The following CCDC178 variants were observed in gnomAD, a reference collection of about 807,000 sequenced individuals.
CCDC178 encodes the protein coiled-coil domain containing 178.
Under a neutral mutation model 117.4 loss-of-function variants are expected in CCDC178, and 126 were observed. The observed-to-expected ratio is 1.07, with a 90% CI of 0.93 to 1.24. The LOEUF is 1.24. Ranked by LOEUF, CCDC178 falls within the 50% of genes most tolerant of loss-of-function variation. CCDC178 has a pLI of 0.00. For missense variants in CCDC178, 1,030 were observed against 986.9 expected (o/e 1.04, Z -0.59); for synonymous variants, 283 against 313.4 (o/e 0.90, Z 1.02).
chr18:33,128,802 A>T (rs571528680), intron 20 of CCDC178, among the ~76,000 whole-genome samples: 1 of 152,224 alleles, frequency 6.6e-6, no homozygotes, highest in East Asian at 1.9e-4. Context: ...TCACTGTCCA[A>T]ATACAATTTT....
At position 33,389,557 on chromosome 18, in the gene CCDC178, T is replaced by C; in HGVS notation, c.191A>G (p.Lys64Arg). ...KENSEGFHES[K>R]MTNTEGVNKG... ...GTCCTCACCTTCAGTATTTGTCATT[T>C]TACTTTCATGAAAACCTTCACTGTT... The change falls in exon 5 of 23, where the codon AAA (lysine) becomes AGA (arginine). Residue 64 changes from lysine (K) to arginine (R), a missense_variant. Physicochemically the swap from Lys to Arg is conservative, Grantham distance 26. Coordinates refer to ENST00000383096, the MANE Select transcript of CCDC178 (RefSeq NM_001105528.4). 1 of 1,517,778 alleles carries C rather than the reference T, an allele frequency of 6.6e-7. No individual in the cohort carries two copies. Among genetic ancestry groups the C allele is most frequent in the Non-Finnish European group, 8.8e-7 (1 of 1,131,596 alleles). 94.0% of individuals were successfully genotyped at this position (1,517,778 alleles called of 1,614,324 possible). A position where few individuals can be genotyped will look rare whatever the true frequency, so the allele number is the denominator to read the frequency against.
intron 20 of CCDC178, among the ~76,000 whole-genome samples, chr18:33,183,685 G>A (rs59614523): frequency 2.6e-5 from 4 of 151,938 alleles, no homozygotes; most frequent in African/African-American, 4.8e-5. Flanking sequence ...TGACACTGGC[G>A]CTATTGGGTT....
At chr18:33,133,568 C>A (rs1425678464) in intron 20 of CCDC178, among the ~76,000 whole-genome samples, 3 of 151,850 alleles carry the variant, frequency 2.0e-5, no homozygotes, top group South Asian at 2.1e-4. Context: ...TGTGAGGTAT[C>A]TATTGTTTTA....
chr18:33,215,469 T>A, intron 19 of CCDC178, 81 bp downstream of exon 19: 1 of 809,218 alleles, frequency 1.2e-6, no homozygotes, highest in Non-Finnish European at 1.8e-6. Flanking sequence ...ATTTTAAGAA[T>A]GCATTTTAAA....
At chr18:33,435,120 T>C (rs865968367) in intron 2 of CCDC178, among the ~76,000 whole-genome samples, 1 of 152,172 alleles carries the variant, frequency 6.6e-6, no homozygotes, top group Non-Finnish European at 1.5e-5. Context: ...GTCATAATTA[T>C]TGGAGCAGAA....
At chr18:33,210,634 T>C (rs1347539593) in intron 20 of CCDC178, among the ~76,000 whole-genome samples, 1 of 152,022 alleles carries the variant, frequency 6.6e-6, no homozygotes, top group African/African-American at 2.4e-5. Context: ...TGGGGAAGAA[T>C]GCTTAAATCG....
At chr18:33,140,748 G>A (rs2058193326) in intron 20 of CCDC178, among the ~76,000 whole-genome samples, 1 of 152,200 alleles carries the variant, frequency 6.6e-6, no homozygotes, top group African/African-American at 2.4e-5. Context: ...ACCAAAATGA[G>A]TTAAGAATTT....
intron 20 of CCDC178, among the ~76,000 whole-genome samples, chr18:33,096,324 A>G (rs2057542972): frequency 9.1e-6 from 1 of 109,592 alleles, no homozygotes. Flanking sequence ...TATATTTTAT[A>G]TAAAAATATA....
chr18:33,424,654 C>T (rs1380008467), intron 2 of CCDC178, among the ~76,000 whole-genome samples: 4 of 152,124 alleles, frequency 2.6e-5, no homozygotes, highest in East Asian at 1.9e-4. Flanking sequence ...AGGGGAGCCA[C>T]GGCACGGCCC....
intron 5 of CCDC178, among the ~76,000 whole-genome samples, chr18:33,388,015 G>A (rs1461629454): frequency 6.6e-6 from 1 of 151,612 alleles, no homozygotes; most frequent in African/African-American, 2.4e-5. Flanking sequence ...AAATTTACAA[G>A]AAATAAACAA....
At chr18:33,312,111 T>C (rs562955007) in intron 11 of CCDC178, among the ~76,000 whole-genome samples, 1 of 152,158 alleles carries the variant, frequency 6.6e-6, no homozygotes, top group Admixed American at 6.5e-5. Context: ...TTTAAGGCAA[T>C]TAATGAGGTA....
intron 20 of CCDC178, among the ~76,000 whole-genome samples, chr18:33,150,864 A>G (rs141990421): frequency 2.6e-4 from 40 of 152,328 alleles, no homozygotes; most frequent in African/African-American, 8.2e-4. Flanking sequence ...TTGTAAAGAT[A>G]TGGAACCAAG....
chr18:33,330,967 A>G (rs1347298250), intron 10 of CCDC178, among the ~76,000 whole-genome samples: 1 of 151,388 alleles, frequency 6.6e-6, no homozygotes, highest in Non-Finnish European at 1.5e-5. Flanking sequence ...TCATGGCCCC[A>G]TAAGTTGACA....
intron 14 of CCDC178, among the ~76,000 whole-genome samples, chr18:33,261,305 G>C (rs1022392685): frequency 3.3e-5 from 5 of 152,052 alleles, no homozygotes; most frequent in South Asian, 2.1e-4. Context: ...GGATGGTCTC[G>C]ATCTCCTGAC....
At chr18:33,324,891 A>G (rs1011722161) in intron 10 of CCDC178, among the ~76,000 whole-genome samples, 16 of 151,888 alleles carry the variant, frequency 1.1e-4, no homozygotes, top group Non-Finnish European at 1.8e-4. Context: ...GAAAGTATGG[A>G]AAAAAACTTT....
intron 6 of CCDC178, among the ~76,000 whole-genome samples, chr18:33,367,150 G>A (rs764356543): frequency 6.6e-6 from 1 of 151,872 alleles, no homozygotes; most frequent in South Asian, 2.1e-4. Context: ...TATATTTATG[G>A]GGAATGTGTG....
chr18:33,412,370 G>A (rs1022093919), intron 2 of CCDC178, among the ~76,000 whole-genome samples: 7 of 151,988 alleles, frequency 4.6e-5, no homozygotes, highest in Non-Finnish European at 7.4e-5. Context: ...CTGACTACGA[G>A]ATAATTTAGC....
intron 2 of CCDC178, among the ~76,000 whole-genome samples, chr18:33,419,519 T>C (rs1045242740): frequency 9.9e-5 from 15 of 152,118 alleles, no homozygotes; most frequent in African/African-American, 3.6e-4. Context: ...GGAGAAAATA[T>C]TTTCTAACTG....
chr18:33,369,821 A>G (rs2063271629), intron 6 of CCDC178, among the ~76,000 whole-genome samples: 1 of 152,014 alleles, frequency 6.6e-6, no homozygotes, highest in South Asian at 2.1e-4. Flanking sequence ...GATAAAGAAC[A>G]AACAGGTAGG....
Sources: gnomAD v4.1 joint callset for allele counts (sites outside exome capture counted in the v4.1 genomes callset) on GRCh38, gnomAD v4.1.1 for gene constraint, MANE v1.5 for transcripts, NCBI Gene and HGNC (gene_info 2026-07-23, HGNC 2026-07-21) for gene names.